The following PARD3 variants were observed in gnomAD, a reference collection of about 807,000 sequenced individuals.
The protein encoded by PARD3 is par-3 family cell polarity regulator.
In PARD3, 75 loss-of-function variants were observed where a neutral mutation model predicts 155.4. The observed-to-expected ratio is 0.48, with a 90% CI of 0.40 to 0.58. The LOEUF (loss-of-function observed/expected upper bound fraction) is 0.58, where lower values mean the gene tolerates loss of function less well. PARD3 is among the 20% of genes least tolerant of loss of function. The pLI is 0.00. For missense variants in PARD3, 1,642 were observed against 1,721.7 expected (o/e 0.95, Z 0.82); for synonymous variants, 576 against 610.5 (o/e 0.94, Z 0.83).
chr10:34,525,136 AATG>A (rs1378872967), intron 2 of PARD3, among the ~76,000 whole-genome samples: 1 of 152,230 alleles, frequency 6.6e-6, no homozygotes, highest in African/African-American at 2.4e-5. Context: ...TATTTGAACC[AATG>A]ATGTTTTGTA....
At chr10:34,155,459 A>G (rs1291924916) in intron 22 of PARD3, among the ~76,000 whole-genome samples, 4 of 152,180 alleles carry the variant, frequency 2.6e-5, no homozygotes, top group African/African-American at 9.7e-5. Context: ...TAGTTAGCAT[A>G]TTGGAAAATG....
intron 22 of PARD3, among the ~76,000 whole-genome samples, chr10:34,185,397 T>C (rs1950440845): frequency 6.6e-6 from 1 of 152,226 alleles, no homozygotes; most frequent in African/African-American, 2.4e-5. Context: ...AGCCAATTTG[T>C]CATACAGATC....
intron 2 of PARD3, among the ~76,000 whole-genome samples, chr10:34,692,159 G>A (rs982367910): frequency 3.3e-5 from 5 of 151,938 alleles, no homozygotes; most frequent in African/African-American, 1.2e-4. Flanking sequence ...TTGAACCTGG[G>A]AGGCAGAGGT....
chr10:34,196,081 C>T (rs1382371773), intron 22 of PARD3, among the ~76,000 whole-genome samples: 4 of 152,208 alleles, frequency 2.6e-5, no homozygotes, highest in Admixed American at 6.5e-5. Flanking sequence ...ATTATTCATA[C>T]TTCTGCCACT....
Position 34,319,861 on chromosome 10 carries a change from C to T in PARD3, c.2834-2523G>A, listed in dbSNP as rs1189029255. 2.0e-5 allele frequency among the ~76,000 whole-genome samples: 3 copies of T among 152,084 alleles called. No homozygotes were observed. The East Asian group carries it at 5.8e-4, about 29-fold the overall frequency. The stretch of plus-strand genomic sequence containing the variant: ...TGTGAGATAATTGACCAAATAATTA[C>T]AGAACAATTCCCAGAAGTTCTCTGG... On this transcript the variant is annotated intron_variant, in intron 19 of 24. Transcript: ENST00000374788.
intron 1 of PARD3, among the ~76,000 whole-genome samples, chr10:34,725,107 G>GTGTGTA (rs1192492770): frequency 2.8e-4 from 9 of 32,106 alleles, no homozygotes; most frequent in African/African-American, 1.0e-3. Flanking sequence ...TCAAAACTTT[G>GTGTGTA]TGTGTGTGTG....
intron 22 of PARD3, among the ~76,000 whole-genome samples, chr10:34,168,470 T>C (rs554651145): frequency 1.3e-5 from 2 of 152,292 alleles, no homozygotes; most frequent in East Asian, 3.9e-4. Context: ...CAAAGCATGA[T>C]TTTGATGTTA....
intron 2 of PARD3, among the ~76,000 whole-genome samples, chr10:34,580,673 T>G (rs1156609413): frequency 6.6e-6 from 1 of 152,234 alleles, no homozygotes; most frequent in African/African-American, 2.4e-5. Context: ...TTGCCAAAAA[T>G]TTGGTATCAT....
At position 34,423,348 on chromosome 10, in the gene PARD3, G is replaced by C. The variant is rs78546903; in HGVS notation, c.715-21431C>G. ...GGTGGGTGGGGATGTGTTGGTAAAA[G>C]TATACAAAATTTCCATTAGGAGGAA... On this transcript the variant is annotated intron_variant, in intron 5 of 24. Coordinates refer to ENST00000374788, the MANE Select transcript of PARD3 (RefSeq NM_001184785.2). Among the ~76,000 whole-genome samples the C allele has an allele frequency of 3.1e-3, 469 of 152,142 alleles. 1 individual carries two copies. The highest frequency in any genetic ancestry group is 0.011 in the African/African-American group (447 of 41,528).
chr10:34,160,956 G>A (rs941919409), intron 22 of PARD3, among the ~76,000 whole-genome samples: 9 of 152,134 alleles, frequency 5.9e-5, no homozygotes, highest in Non-Finnish European at 1.2e-4. Flanking sequence ...AAGTATTATA[G>A]TTAGAAAAGA....
chr10:34,313,838 AT>A, intron 20 of PARD3, among the ~76,000 whole-genome samples: 1 of 152,152 alleles, frequency 6.6e-6, no homozygotes, highest in South Asian at 2.1e-4. Context: ...AGGAAAACAT[AT>A]TACTTCCTCA....
chr10:34,591,413 T>C (rs1271926909), intron 2 of PARD3, among the ~76,000 whole-genome samples: 1 of 152,112 alleles, frequency 6.6e-6, no homozygotes. Flanking sequence ...CATTCTCTCA[T>C]TCAACCAACA....
At chr10:34,308,410 A>G (rs1957523624) in intron 20 of PARD3, among the ~76,000 whole-genome samples, 1 of 152,186 alleles carries the variant, frequency 6.6e-6, no homozygotes, top group African/African-American at 2.4e-5. Flanking sequence ...GGGGGCTGAA[A>G]AGTAGGATTG....
chr10:34,511,963 T>C (rs373281405), intron 3 of PARD3, among the ~76,000 whole-genome samples: 9 of 152,296 alleles, frequency 5.9e-5, no homozygotes, highest in African/African-American at 2.2e-4. Context: ...TATCTTTCTT[T>C]GAACAGTTTT....
At chr10:34,612,203 C>A (rs111938230) in intron 2 of PARD3, among the ~76,000 whole-genome samples, 1 of 151,996 alleles carries the variant, frequency 6.6e-6, no homozygotes, top group Non-Finnish European at 1.5e-5. Context: ...AGAAACATAA[C>A]CATAGGCTAG....
intron 1 of PARD3, among the ~76,000 whole-genome samples, chr10:34,734,711 T>C (rs1200678609): frequency 2.6e-5 from 4 of 152,146 alleles, no homozygotes; most frequent in African/African-American, 9.7e-5. Flanking sequence ...CCTTACCAAA[T>C]ACAAAATCAA....
intron 10 of PARD3, among the ~76,000 whole-genome samples, chr10:34,375,581 T>C (rs1359129391): frequency 6.6e-6 from 1 of 152,168 alleles, no homozygotes; most frequent in Admixed American, 6.5e-5. Context: ...ATTTTTTCAA[T>C]GTTATGAGAG....
At chr10:34,347,881 C>T (rs1837596238) in intron 15 of PARD3, 84 bp downstream of exon 15, 2 of 993,856 alleles carry the variant, frequency 2.0e-6, no homozygotes, top group Non-Finnish European at 2.9e-6. Context: ...ACTAATAGTA[C>T]ATTAATATTA....
At chr10:34,328,247 A>G (rs953979641) in intron 19 of PARD3, among the ~76,000 whole-genome samples, 4 of 152,110 alleles carry the variant, frequency 2.6e-5, no homozygotes, top group Admixed American at 6.5e-5. Flanking sequence ...CCACTCATCG[A>G]TTTGGCAGAC....
Sources: allele counts gnomAD v4.1 joint callset (sites outside exome capture counted in the v4.1 genomes callset), GRCh38; gene constraint gnomAD v4.1.1; transcripts MANE v1.5; gene names NCBI Gene and HGNC (gene_info 2026-07-23, HGNC 2026-07-21).